TANC2: variants seen among roughly 807,000 people sequenced by gnomAD.
TANC2 encodes the protein tetratricopeptide repeat, ankyrin repeat and coiled-coil containing 2.
A neutral mutation model predicts 210.5 loss-of-function variants in TANC2; 26 were observed. The observed-to-expected ratio is 0.12, with a 90% CI of 0.09 to 0.17. The LOEUF is 0.17. TANC2 is among the 10% of genes least tolerant of loss of function. The probability of loss-of-function intolerance (pLI) is 1.00; values close to 1 mark genes in which losing one functional copy is unlikely to be tolerated. For missense variants in TANC2, 2,129 were observed against 2,608.9 expected (o/e 0.82, Z 4.01); for synonymous variants, 931 against 967.1 (o/e 0.96, Z 0.69).
chr17:63,261,647 A>C (rs1433916688), intron 8 of TANC2, among the ~76,000 whole-genome samples: 1 of 152,198 alleles, frequency 6.6e-6, no homozygotes, highest in Non-Finnish European at 1.5e-5. Context: ...TTGGCTGAAC[A>C]AGTAAGACTA....
At chr17:63,415,626 A>G in exon 26 of TANC2, 1 of 1,613,866 alleles carries the variant, frequency 6.2e-7, no homozygotes. Context: ...TCCGGGAACT[A>G]AAGGTGTCTC....
chr17:63,092,243 T>C (rs2037225289), intron 3 of TANC2, among the ~76,000 whole-genome samples: 1 of 152,134 alleles, frequency 6.6e-6, no homozygotes, highest in Admixed American at 6.6e-5. Context: ...GGTAAATTCC[T>C]AGGAGCTGGA....
chr17:63,323,713 A>C (rs1347188450), intron 11 of TANC2, among the ~76,000 whole-genome samples: 2 of 152,240 alleles, frequency 1.3e-5, no homozygotes, highest in Non-Finnish European at 2.9e-5. Flanking sequence ...TATGAGGTAC[A>C]TCATTATCTC....
rs1259265020 is a variant in TANC2 at position 63,238,273 on chromosome 17, C to T, written c.1033+196C>T. Among the ~76,000 whole-genome samples, 7 of 152,024 alleles carry T rather than the reference C, an allele frequency of 4.6e-5. No homozygotes were observed. In the South Asian group the frequency reaches 8.3e-4, roughly 18 times the overall value. On this transcript the variant is annotated intron_variant, in intron 8 of 27. Coordinates refer to ENST00000689528, the Ensembl canonical transcript of TANC2. ...AATCTGGGAGAAGGTTCATCTTCCT[C>T]GAGTGATTGCTTAGTTCTGCTCCCA...
At chr17:63,237,995 A>G (rs759004932) in exon 8 of TANC2, 3 of 1,575,940 alleles carry the variant, frequency 1.9e-6, no homozygotes, top group Non-Finnish European at 2.6e-6. Flanking sequence ...ATAAGATCCC[A>G]GAGAGAAATT....
At chr17:63,087,438 T>G (rs2037014872) in intron 3 of TANC2, among the ~76,000 whole-genome samples, 1 of 152,172 alleles carries the variant, frequency 6.6e-6, no homozygotes, top group Non-Finnish European at 1.5e-5. Context: ...TTCTTTGTTT[T>G]TTGTTTTTTT....
intron 14 of TANC2, among the ~76,000 whole-genome samples, chr17:63,368,410 T>G (rs1209139735): frequency 6.6e-6 from 1 of 152,168 alleles, no homozygotes; most frequent in African/African-American, 2.4e-5. Flanking sequence ...AGCTATAACT[T>G]TGTGCATTAC....
At chr17:63,375,386 G>A (rs1041847224) in intron 14 of TANC2, among the ~76,000 whole-genome samples, 1 of 152,246 alleles carries the variant, frequency 6.6e-6, no homozygotes, top group South Asian at 2.1e-4. Flanking sequence ...CTAGAGAAAT[G>A]CAGACATCTC....
At chr17:63,303,794 T>C (rs941947729) in intron 9 of TANC2, among the ~76,000 whole-genome samples, 1 of 151,994 alleles carries the variant, frequency 6.6e-6, no homozygotes, top group African/African-American at 2.4e-5. Context: ...TTTTTGTTCC[T>C]TTTCATTCTT....
intron 9 of TANC2, among the ~76,000 whole-genome samples, chr17:63,286,969 A>T (rs998857491): frequency 1.3e-5 from 2 of 151,868 alleles, no homozygotes; most frequent in African/African-American, 4.8e-5. Flanking sequence ...ACTCTTTGTT[A>T]TACACCCAGC....
chr17:63,237,971 C>T, exon 8 of TANC2: 1 of 1,585,756 alleles, frequency 6.3e-7, no homozygotes, highest in Non-Finnish European at 8.6e-7. Context: ...TGACTGCTTC[C>T]ACCTATAGTC....
intron 4 of TANC2, among the ~76,000 whole-genome samples, chr17:63,104,028 C>G (rs940662938): frequency 2.6e-5 from 4 of 151,886 alleles, no homozygotes; most frequent in Non-Finnish European, 5.9e-5. Context: ...AGAAGAAAAT[C>G]AAGGTTTAGT....
intron 7 of TANC2, among the ~76,000 whole-genome samples, chr17:63,225,093 T>A (rs1323934555): frequency 6.6e-6 from 1 of 152,218 alleles, no homozygotes; most frequent in Non-Finnish European, 1.5e-5. Context: ...TGTTCTCACC[T>A]TTTCTTAATT....
At chr17:63,207,451 G>A (rs1424294915) in intron 7 of TANC2, among the ~76,000 whole-genome samples, 2 of 151,854 alleles carry the variant, frequency 1.3e-5, no homozygotes, top group African/African-American at 4.8e-5. Context: ...TCCTGACCTC[G>A]TGATCCGCCC....
At chr17:63,108,578 G>A (rs1020731571) in intron 4 of TANC2, among the ~76,000 whole-genome samples, 6 of 151,750 alleles carry the variant, frequency 4.0e-5, no homozygotes, top group Non-Finnish European at 7.3e-5. Context: ...TCGGGAGGCC[G>A]AGGCGGGCAG....
At chr17:63,314,897 A>G (rs1278955966) in intron 10 of TANC2, among the ~76,000 whole-genome samples, 1 of 152,124 alleles carries the variant, frequency 6.6e-6, no homozygotes, top group African/African-American at 2.4e-5. Context: ...TCGTGGAATA[A>G]GTTTATGACT....
At chr17:63,288,678 T>G (rs2044295373) in intron 9 of TANC2, among the ~76,000 whole-genome samples, 1 of 152,198 alleles carries the variant, frequency 6.6e-6, no homozygotes, top group Admixed American at 6.5e-5. Flanking sequence ...ATTTACCCCT[T>G]TATCATTATG....
chr17:63,405,387 C>T (rs2048470810), intron 20 of TANC2, 132 bp downstream of exon 20: 22 of 985,158 alleles, frequency 2.2e-5, no homozygotes, highest in Non-Finnish European at 2.9e-5. Context: ...GGACTTGGAC[C>T]TTTGTTATGA....
chr17:63,002,083 T>C (rs1000037863), intron 1 of TANC2, among the ~76,000 whole-genome samples: 2 of 152,162 alleles, frequency 1.3e-5, no homozygotes, highest in South Asian at 4.1e-4. Context: ...AGGTAAGTAT[T>C]TGGGGAAGAA....
Sources: gnomAD v4.1 joint callset for allele counts (sites outside exome capture counted in the v4.1 genomes callset) on GRCh38, gnomAD v4.1.1 for gene constraint, MANE v1.5 for transcripts, NCBI Gene and HGNC (gene_info 2026-07-23, HGNC 2026-07-21) for gene names.